CFAP61: variants seen among roughly 807,000 people sequenced by gnomAD.
The protein encoded by CFAP61 is cilia and flagella associated protein 61.
A neutral mutation model predicts 135.6 loss-of-function variants in CFAP61; 107 were observed. The observed-to-expected ratio is 0.79, with a 90% CI of 0.67 to 0.93. The LOEUF is 0.93. Ranked by LOEUF, CFAP61 falls within the 40% of genes least tolerant of loss-of-function variation. The pLI, the probability that CFAP61 is intolerant of heterozygous loss-of-function variation, is 0.00. For missense variants in CFAP61, 1,507 were observed against 1,556.2 expected, an observed-to-expected ratio of 0.97 and a Z score of 0.53; for synonymous variants, 575 against 578.5, an observed-to-expected ratio of 0.99 and a Z score of 0.09.
chr20:20,096,694 TG>T (rs1284042210), intron 7 of CFAP61, among the ~76,000 whole-genome samples: 4 of 152,214 alleles, frequency 2.6e-5, no homozygotes, highest in Non-Finnish European at 5.9e-5. Flanking sequence ...TCTGCACATA[TG>T]GTAGATGGAT....
chr20:20,245,886 C>T (rs1178043007), intron 18 of CFAP61, among the ~76,000 whole-genome samples: 1 of 152,204 alleles, frequency 6.6e-6, no homozygotes, highest in Non-Finnish European at 1.5e-5. Flanking sequence ...AAACCTGTCT[C>T]ATTACTAATG....
At chr20:20,067,762 TA>T (rs2045402265) in intron 2 of CFAP61, among the ~76,000 whole-genome samples, 2 of 102,656 alleles carry the variant, frequency 1.9e-5, no homozygotes, top group Non-Finnish European at 4.6e-5. Flanking sequence ...TTTATATTAT[TA>T]TATATGTATT....
intron 8 of CFAP61, among the ~76,000 whole-genome samples, chr20:20,107,356 A>G (rs1006989705): frequency 1.6e-4 from 24 of 152,276 alleles, no homozygotes; most frequent in African/African-American, 5.8e-4. Context: ...TCAGACCTCC[A>G]TGGACAGATA....
At chr20:20,320,388 ATATATAATATATG>A (rs2057403508) in intron 25 of CFAP61, among the ~76,000 whole-genome samples, 1 of 10,468 alleles carries the variant, frequency 9.6e-5, no homozygotes, top group Non-Finnish European at 3.4e-4. Context: ...TATATGTAAT[ATATATAATATATG>A]TAATATATGT....
At chr20:20,209,119 T>C (rs1296076454) in intron 17 of CFAP61, among the ~76,000 whole-genome samples, 3 of 152,220 alleles carry the variant, frequency 2.0e-5, no homozygotes, top group Non-Finnish European at 4.4e-5. Context: ...TCCTTTGGAA[T>C]GTAGCATCTA....
chr20:20,224,414 T>C (rs2048592122), intron 17 of CFAP61, among the ~76,000 whole-genome samples: 1 of 152,186 alleles, frequency 6.6e-6, no homozygotes, highest in African/African-American at 2.4e-5. Flanking sequence ...ATACTATCAT[T>C]CCTTCCTTTC....
chr20:20,312,361 T>C (rs982889735), intron 25 of CFAP61, among the ~76,000 whole-genome samples: 2 of 152,162 alleles, frequency 1.3e-5, no homozygotes, highest in Non-Finnish European at 2.9e-5. Flanking sequence ...AACTACAATG[T>C]CTGAGACAAG....
chr20:20,230,491 A>G (rs997312740), intron 18 of CFAP61, among the ~76,000 whole-genome samples: 3 of 152,192 alleles, frequency 2.0e-5, no homozygotes, highest in South Asian at 2.1e-4. Context: ...ACCAATGAGG[A>G]TTGAATCTAC....
At position 20,286,091 on chromosome 20, in the gene CFAP61, A is replaced by G. The variant is rs147553453; in HGVS notation, c.2797-2518A>G. Among the ~76,000 whole-genome samples, 35 of 151,842 alleles carry G rather than the reference A, an allele frequency of 2.3e-4. No homozygotes were observed. The East Asian group carries it at 6.6e-3, about 29-fold the overall frequency. On this transcript the variant is annotated intron_variant, in intron 22 of 26. Transcript: ENST00000245957. ...GTCATTTCTCCAAGTTTTTACTGTA[A>G]TACACAAGCTACCCAAACTTTTAAA... is the stretch of plus-strand genomic sequence containing the variant.
chr20:20,143,698 C>T (rs1328867129), intron 9 of CFAP61, among the ~76,000 whole-genome samples: 3 of 152,170 alleles, frequency 2.0e-5, no homozygotes, highest in Non-Finnish European at 4.4e-5. Flanking sequence ...GGTCACAACG[C>T]AGGGCAGGAA....
chr20:20,179,563 A>G (rs1413364957), intron 13 of CFAP61, among the ~76,000 whole-genome samples: 4 of 152,226 alleles, frequency 2.6e-5, no homozygotes, highest in African/African-American at 9.6e-5. Flanking sequence ...AGAAAGAGCC[A>G]GAATAGCCAA....
chr20:20,247,609 C>T (rs900061601), intron 19 of CFAP61, among the ~76,000 whole-genome samples: 20 of 152,220 alleles, frequency 1.3e-4, no homozygotes, highest in Non-Finnish European at 2.9e-4. Context: ...CACATGTAGC[C>T]AGTGGCTACC....
chr20:20,164,458 T>C (rs780299469), intron 11 of CFAP61, among the ~76,000 whole-genome samples: 2 of 152,194 alleles, frequency 1.3e-5, no homozygotes, highest in African/African-American at 4.8e-5. Flanking sequence ...TATGTAACAA[T>C]TGGGAATCTG....
rs2054551676 is a variant in CFAP61, at chr20:20,175,495, TTTTG to T, written c.1385+6039_1385+6042del. ...GCTTCTGGTTTTTTTTTTGTTTTTG[TTTTG>T]TTTTGTTTTGTTTTGTTTTGTTTTG... On this transcript the variant is annotated intron_variant, in intron 13 of 26. Coordinates refer to ENST00000245957, the MANE Select transcript of CFAP61 (RefSeq NM_015585.4). 2.6e-3 allele frequency among the ~76,000 whole-genome samples: 11 copies of T among 4,236 alleles called. No individual in the cohort carries two copies. The South Asian group carries it at 0.064, about 25-fold the overall frequency. 2.8% of individuals were successfully genotyped at this position (4,236 alleles called of 152,430 possible). A position where few individuals can be genotyped will look rare whatever the true frequency, so the allele number is the denominator to read the frequency against.
At chr20:20,121,485 G>A (rs915670321) in intron 8 of CFAP61, among the ~76,000 whole-genome samples, 3 of 150,072 alleles carry the variant, frequency 2.0e-5, no homozygotes, top group African/African-American at 7.4e-5. Context: ...TTTATTTTTA[G>A]TTTTTAAAAT....
chr20:20,290,454 A>G lies in CFAP61; in HGVS notation c.3216+63A>G. The G allele has an allele frequency of 2.6e-6, 3 of 1,134,112 alleles. No individual in the cohort carries two copies. The South Asian group carries it at 3.8e-5, about 14-fold the overall frequency. The allele number at this position is 1,134,112 out of a possible 1,614,324, so 70.3% of individuals were successfully genotyped here. On this transcript the variant is annotated intron_variant, in intron 24 of 26. Coordinates refer to ENST00000245957, the MANE Select transcript of CFAP61 (RefSeq NM_015585.4). ...ACAAAACTTTGTTTATAAGAGGATG[A>G]AATTCTTTACTTGGAGTCTTTACTG...
At chr20:20,341,165 C>T (rs1160334511) in intron 25 of CFAP61, among the ~76,000 whole-genome samples, 3 of 152,112 alleles carry the variant, frequency 2.0e-5, no homozygotes, top group Non-Finnish European at 4.4e-5. Context: ...TTCCCTGTTC[C>T]AAGACACTTA....
intron 8 of CFAP61, among the ~76,000 whole-genome samples, chr20:20,124,797 C>T (rs1408347336): frequency 6.6e-6 from 1 of 151,796 alleles, no homozygotes; most frequent in African/African-American, 2.4e-5. Context: ...AAGATTGGTA[C>T]CAATTCTTCT....
intron 15 of CFAP61, among the ~76,000 whole-genome samples, chr20:20,192,530 C>T (rs1320604982): frequency 6.6e-6 from 1 of 152,076 alleles, no homozygotes; most frequent in African/African-American, 2.4e-5. Flanking sequence ...CTTCATGATA[C>T]TCTTTTGGAT....
Sources: gnomAD v4.1 joint callset for allele counts (sites outside exome capture counted in the v4.1 genomes callset) on GRCh38, gnomAD v4.1.1 for gene constraint, MANE v1.5 for transcripts, NCBI Gene and HGNC (gene_info 2026-07-23, HGNC 2026-07-21) for gene names.